SDK1: variants seen among roughly 807,000 people sequenced by gnomAD.
The protein encoded by SDK1 is sidekick cell adhesion molecule 1.
Under a neutral mutation model 245.5 loss-of-function variants are expected in SDK1, and 157 were observed. The observed-to-expected ratio is 0.64, with a 90% confidence interval of 0.56 to 0.73. The LOEUF (loss-of-function observed/expected upper bound fraction) is 0.73. Ranked by LOEUF, SDK1 falls within the 30% of genes least tolerant of loss-of-function variation. The pLI, the probability that SDK1 is intolerant of heterozygous loss-of-function variation, is 0.00. For missense variants in SDK1, 3,583 were observed against 3,002.3 expected (o/e 1.19, Z -4.52); for synonymous variants, 1,647 against 1,278.5 (o/e 1.29, Z -6.15).
At chr7:3,816,684 G>A (rs1437702043) in intron 4 of SDK1, among the ~76,000 whole-genome samples, 1 of 152,184 alleles carries the variant, frequency 6.6e-6, no homozygotes, top group Admixed American at 6.5e-5. Flanking sequence ...GGAATTGAAA[G>A]CAATTTTAGT....
At chr7:4,130,742 C>G (rs1784755830) in intron 27 of SDK1, among the ~76,000 whole-genome samples, 1 of 152,124 alleles carries the variant, frequency 6.6e-6, no homozygotes, top group Non-Finnish European at 1.5e-5. Context: ...CTGCAGATGT[C>G]AAACACATAA....
chr7:4,065,717 T>TTTTTTTTTTTTTTTTTTTTTTC (rs1779852898), intron 19 of SDK1, among the ~76,000 whole-genome samples: 1 of 106,798 alleles, frequency 9.4e-6, no homozygotes, highest in Non-Finnish European at 1.8e-5. Context: ...TTTTTTTTTT[T>TTTTTTTTTTTTTTTTTTTTTTC]TTTTTTTTTT....
intron 1 of SDK1, among the ~76,000 whole-genome samples, chr7:3,605,202 C>T (rs1181117319): frequency 1.3e-5 from 2 of 150,254 alleles, no homozygotes; most frequent in African/African-American, 2.5e-5. Flanking sequence ...AATTGTTTTC[C>T]ACCTTGTGGT....
chr7:3,647,572 G>A (rs376368887), intron 4 of SDK1, among the ~76,000 whole-genome samples: 5 of 152,082 alleles, frequency 3.3e-5, no homozygotes, highest in Non-Finnish European at 7.4e-5. Flanking sequence ...GATTACAGGC[G>A]TGCGCCACTA....
intron 14 of SDK1, among the ~76,000 whole-genome samples, chr7:3,997,533 T>G (rs1337982621): frequency 6.6e-6 from 1 of 152,120 alleles, no homozygotes; most frequent in Admixed American, 6.5e-5. Flanking sequence ...TCTGCAGCTC[T>G]CAGCAGAGAG....
At chr7:3,569,380 T>C (rs1201800116) in intron 1 of SDK1, among the ~76,000 whole-genome samples, 1 of 152,232 alleles carries the variant, frequency 6.6e-6, no homozygotes, top group Non-Finnish European at 1.5e-5. Flanking sequence ...AGTCACCTGG[T>C]TCCCAAGGTT....
chr7:3,476,675 C>G (rs1781356394), intron 1 of SDK1, among the ~76,000 whole-genome samples: 3 of 152,210 alleles, frequency 2.0e-5, no homozygotes, highest in Admixed American at 1.3e-4. Flanking sequence ...TTAATTTTGT[C>G]AGTCACTTTG....
chr7:3,980,089 C>T (rs1783277805), intron 13 of SDK1, among the ~76,000 whole-genome samples: 1 of 152,148 alleles, frequency 6.6e-6, no homozygotes, highest in South Asian at 2.1e-4. Context: ...AGAGTGAAGT[C>T]AAAGAAGATG....
chr7:3,938,254 C>A (rs1780229962), intron 5 of SDK1, among the ~76,000 whole-genome samples: 1 of 152,150 alleles, frequency 6.6e-6, no homozygotes, highest in African/African-American at 2.4e-5. Context: ...CCCTCTTACC[C>A]CTTGGTCCAC....
At chr7:3,814,518 T>C (rs1169918236) in intron 4 of SDK1, among the ~76,000 whole-genome samples, 1 of 151,916 alleles carries the variant, frequency 6.6e-6, no homozygotes, top group Non-Finnish European at 1.5e-5. Context: ...TACTGTAGCC[T>C]TGTAGTATAG....
intron 1 of SDK1, among the ~76,000 whole-genome samples, chr7:3,408,437 A>T (rs1298269700): frequency 1.3e-5 from 2 of 152,224 alleles, no homozygotes; most frequent in African/African-American, 4.8e-5. Context: ...TTAAAATTAG[A>T]GCATTGGCTT....
chr7:3,711,068 TTA>T (rs1389139825), intron 4 of SDK1, among the ~76,000 whole-genome samples: 1 of 151,144 alleles, frequency 6.6e-6, no homozygotes, highest in Non-Finnish European at 1.5e-5. Flanking sequence ...TGATGGCAAC[TTA>T]TATTATTTTT....
chr7:3,432,840 AAG>A (rs1433619270), intron 1 of SDK1, among the ~76,000 whole-genome samples: 1 of 152,190 alleles, frequency 6.6e-6, no homozygotes, highest in African/African-American at 2.4e-5. Context: ...CTTCATCTGA[AAG>A]AGATTTCTCC....
chr7:4,208,227 C>T lies in SDK1; in HGVS notation c.5343C>T (p.Phe1781=), dbSNP rs1223438399. The change falls in exon 37 of 45, where the codon TTC becomes TTT. Residue 1781 remains phenylalanine (F), a synonymous_variant. Transcript: ENST00000404826. ...AGTACCTGGTCAGCATATCAGCCTTCAACGCCGCCGGAGATGGACCTAAGA... is the reference window on the plus strand; with the variant it reads ...AGTACCTGGTCAGCATATCAGCCTTTAACGCCGCCGGAGATGGACCTAAGA... ...HTKYLVSISA[F]NAAGDGPKSD... is the part of the protein sequence containing the mutation. 3.7e-6 allele frequency: 6 copies of T among 1,613,968 alleles called. No individual in the cohort carries two copies. The African/African-American group carries it at 6.7e-5, about 18-fold the overall frequency.
At chr7:3,333,890 G>A (rs1417995205) in intron 1 of SDK1, among the ~76,000 whole-genome samples, 1 of 152,208 alleles carries the variant, frequency 6.6e-6, no homozygotes, top group Admixed American at 6.5e-5. Context: ...GAACTGGACT[G>A]CCAGGGTGGC....
intron 4 of SDK1, among the ~76,000 whole-genome samples, chr7:3,688,647 T>C (rs1440391109): frequency 6.6e-6 from 1 of 152,258 alleles, no homozygotes; most frequent in East Asian, 1.9e-4. Flanking sequence ...AGACCTCAGT[T>C]TCCTCATCTA....
chr7:4,171,933 G>A (rs1332722794), intron 32 of SDK1, among the ~76,000 whole-genome samples: 5 of 152,182 alleles, frequency 3.3e-5, no homozygotes, highest in Non-Finnish European at 5.9e-5. Context: ...GGACTCAGAC[G>A]CGCCCCCACC....
intron 1 of SDK1, among the ~76,000 whole-genome samples, chr7:3,331,719 A>G (rs1315980339): frequency 1.3e-5 from 2 of 152,018 alleles, no homozygotes; most frequent in Admixed American, 1.3e-4. Context: ...TTTGGATACC[A>G]GGTTCATAAG....
intron 1 of SDK1, among the ~76,000 whole-genome samples, chr7:3,462,371 T>C (rs1024712880): frequency 9.2e-5 from 14 of 152,314 alleles, no homozygotes; most frequent in African/African-American, 3.4e-4. Flanking sequence ...TATAATATCA[T>C]TGTCTACCTA....
Sources: allele counts gnomAD v4.1 joint callset (sites outside exome capture counted in the v4.1 genomes callset), GRCh38; gene constraint gnomAD v4.1.1; transcripts MANE v1.5; gene names NCBI Gene and HGNC (gene_info 2026-07-23, HGNC 2026-07-21).